Variants in TTN observed in about 807,000 individuals in gnomAD.
TTN encodes the protein titin.
A neutral mutation model predicts 3,223.0 loss-of-function variants in TTN; 1,525 were observed. That is an observed-to-expected ratio of 0.47 (90% CI 0.45 to 0.49). The LOEUF (loss-of-function observed/expected upper bound fraction) is 0.49, where lower values mean the gene tolerates loss of function less well. TTN is among the 20% of genes least tolerant of loss of function. The pLI, the probability that TTN is intolerant of heterozygous loss-of-function variation, is 0.00. For missense variants in TTN, 40,786 were observed against 43,424.0 expected, an observed-to-expected ratio of 0.94 and a Z score of 5.40; for synonymous variants, 14,094 against 15,161.0, an observed-to-expected ratio of 0.93 and a Z score of 5.17.
rs1470808886 is a variant in TTN, at chr2:178,635,435, T to G, written c.41884+5A>C. 1 of 1,605,300 alleles carries G rather than the reference T, an allele frequency of 6.2e-7. No individual in the cohort carries two copies. The highest frequency in any genetic ancestry group is 1.7e-5 in the Admixed American group (1 of 58,648). ...ATAATTTGAATAAAAGGTAAGATTTTATACCTCCAAGTGTCAGCTTTGCAG... is the reference window on the plus strand; with the variant it reads ...ATAATTTGAATAAAAGGTAAGATTTGATACCTCCAAGTGTCAGCTTTGCAG... On this transcript the variant is annotated splice_donor_5th_base_variant and intron_variant, in intron 227 of 362. Transcript: ENST00000589042.
chr2:178,758,845 T>C (rs892728284), intron 44 of TTN, 139 bp downstream of exon 44: 31 of 891,130 alleles, frequency 3.5e-5, no homozygotes, highest in Non-Finnish European at 4.9e-5. Context: ...CCATGGCATA[T>C]AACAGGGAAA....
intron 44 of TTN, 108 bp from the exon 45 acceptor site, chr2:178,758,024 A>G: frequency 8.2e-7 from 1 of 1,214,160 alleles, no homozygotes; most frequent in Non-Finnish European, 1.1e-6. Context: ...ACTAGAATTC[A>G]GTCCACTCCT....
In TTN at chr2:178,562,301, C is replaced by A. The variant is rs773829475; in HGVS notation, c.83831G>T (p.Arg27944Ile). The A allele has an allele frequency of 1.2e-6, 2 of 1,613,410 alleles. No homozygotes were observed. Among genetic ancestry groups the A allele is most frequent in the East Asian group, 4.5e-5 (2 of 44,820 alleles). Reference protein sequence around the residue: ...FRVAAVNEKGRSDPRQLGVPV... With the variant: ...FRVAAVNEKGISDPRQLGVPV... ...CACTCCAAGTTGTCTTGGATCACTT[C>A]TTCCCTTTTCGTTAACTGCAGCTAC... is the stretch of plus-strand genomic sequence containing the variant. The change falls in exon 326 of 363, where the codon AGA (arginine) becomes ATA (isoleucine). Residue 27944 changes from arginine (R) to isoleucine (I), a missense_variant. Coordinates refer to ENST00000589042, the MANE Select transcript of TTN (RefSeq NM_001267550.2).
rs1245688306 is a variant in TTN, at chr2:178,587,556, T to G, written c.63753A>C (p.Pro21251=). Residue 21251 remains proline, a synonymous_variant, in exon 306 of 363, where the codon CCA becomes CCC. Coordinates refer to ENST00000589042, the MANE Select transcript of TTN (RefSeq NM_001267550.2). The stretch of plus-strand genomic sequence containing the variant: ...TTACGAATACAGCCTTTTCTCCTGC[T>G]GGGTTCACAAGTGTTAAGGAATATT... ...SGKYSLTLVN[P]AGEKAVFVNV... The G allele has an allele frequency of 6.2e-7, 1 of 1,611,490 alleles. No individual in the cohort carries two copies. Among genetic ancestry groups the G allele is most frequent in the Admixed American group, 1.7e-5 (1 of 59,784 alleles).
rs562662770 is a variant in TTN, at chr2:178,575,087, A to C, written c.71045T>G (p.Phe23682Cys). ...AATGGTTGAAGTCGCTGTGGTTTCAAAATTAACTCTCTGTGTCTGTTTAAG... is the reference window on the plus strand; with the variant it reads ...AATGGTTGAAGTCGCTGTGGTTTCACAATTAACTCTCTGTGTCTGTTTAAG... ...QILKQTQRVN[F>C]ETTATSTILN... is the part of the protein sequence containing the mutation. The change falls in exon 326 of 363, where the codon TTT (phenylalanine) becomes TGT (cysteine). Residue 23682 changes from phenylalanine to cysteine, a missense_variant. Phe to Cys is a radical substitution (Grantham distance 205). Transcript: ENST00000589042. The surrounding 1 kb of genome is among the most constrained non-coding windows in gnomAD (Gnocchi z 4.0). The C allele has an allele frequency of 1.9e-6, 3 of 1,613,286 alleles. No individual in the cohort carries two copies. Among genetic ancestry groups the C allele is most frequent in the African/African-American group, 1.3e-5 (1 of 75,000 alleles).
intron 47 of TTN, chr2:178,748,702 A>G: frequency 6.2e-7 from 1 of 1,612,744 alleles, no homozygotes. Context: ...ATTCATGTTC[A>G]GCTCTTTTAG....
At position 178,575,245 on chromosome 2, in the gene TTN, C is replaced by T. The variant is rs1709634452; in HGVS notation, c.70887G>A (p.Met23629Ile). The T allele has an allele frequency of 6.2e-7, 1 of 1,613,064 alleles. No homozygotes were observed. Among genetic ancestry groups the T allele is most frequent in the South Asian group, 1.1e-5 (1 of 91,018 alleles). ...SRPVIVKEQT[M>I]LPELDLRGIY... ...TGCCACGGAGATCCAGCTCTGGAAG[C>T]ATTGTCTGCTCCTTGACAATGACGG... Residue 23629 changes from methionine to isoleucine, a missense_variant, in exon 326 of 363, where the codon ATG (methionine) becomes ATA (isoleucine). Physicochemically the swap from Met to Ile is conservative, Grantham distance 10 (BLOSUM62 1). Coordinates refer to ENST00000589042, the MANE Select transcript of TTN (RefSeq NM_001267550.2). This position sits in a 1 kb window ranked among gnomAD's most constrained non-coding sequence, Gnocchi z 4.0.
rs2063153062 is a variant in TTN, at chr2:178,652,299, G to A, written c.39176C>T (p.Pro13059Leu). ...TGGCACTTCAGGCTTTTTAGGAGGA[G>A]GCACTGGCACTTTCTTTTCAGGAAC... ...EVVPEKKVPV[P>L]PPKKPEVPPT... is the part of the protein sequence containing the mutation. The change falls in exon 203 of 363, where the codon CCT becomes CTT. Residue 13059 changes from proline (P) to leucine (L), a missense_variant. Coordinates refer to ENST00000589042, the MANE Select transcript of TTN (RefSeq NM_001267550.2). 2 of 1,613,598 alleles carry A rather than the reference G, an allele frequency of 1.2e-6. No individual in the cohort carries two copies. Among genetic ancestry groups the A allele is most frequent in the South Asian group, 1.1e-5 (1 of 91,070 alleles).
In TTN at chr2:178,576,723, T is replaced by C. The variant is rs759352559; in HGVS notation, c.69521A>G (p.Tyr23174Cys). 6.2e-7 allele frequency: 1 copy of C among 1,613,540 alleles called. No homozygotes were observed. Among genetic ancestry groups the C allele is most frequent in the South Asian group, 1.1e-5 (1 of 91,068 alleles). The change falls in exon 325 of 363, where the codon TAT becomes TGT. Residue 23174 changes from tyrosine (Y) to cysteine (C), a missense_variant. Tyr to Cys is a radical substitution (Grantham distance 194, BLOSUM62 -2). Transcript: ENST00000589042. The surrounding 1 kb of genome is among the most constrained non-coding windows in gnomAD (Gnocchi z 4.3). ...VDDGGSEITG[Y>C]HVERREKKSL... Reference sequence around the variant, plus strand: ...TTTCTTTTCTCTCCTTTCTACATGATATCCTGTAATTTCGCTGCCACCATC... The same window carrying C: ...TTTCTTTTCTCTCCTTTCTACATGACATCCTGTAATTTCGCTGCCACCATC...
rs778327538 is a variant in TTN at position 178,532,431 on chromosome 2, A to C, written c.104184T>G (p.Tyr34728Ter). 2 of 1,614,000 alleles carry C rather than the reference A, an allele frequency of 1.2e-6. No homozygotes were observed. Among genetic ancestry groups the C allele is most frequent in the South Asian group, 2.2e-5 (2 of 91,086 alleles). ...KVEETRKDFR[Y>*]STYHIPTKAE... ...CCTTCGTTGGGATGTGATAGGTTGA[A>C]TACCTGAAGTCTTTTCTTGTTTCCT... The change falls in exon 358 of 363, where the codon TAT becomes TAG. Residue 34728 changes from tyrosine to a stop codon, truncating the protein, a stop_gained. Coordinates refer to ENST00000589042, the MANE Select transcript of TTN (RefSeq NM_001267550.2). LOFTEE classifies it high-confidence loss of function.
chr2:178,530,368 ATTGGTTCAGGAGCTT>A lies in TTN; in HGVS notation c.106232_106246del (p.Lys35411_Pro35415del), dbSNP rs1382058012. On this transcript the variant is annotated inframe_deletion, in exon 358 of 363. Transcript: ENST00000589042. Reference sequence around the variant, plus strand: ...AGTAACAATTACTGGTTTTGAGGAAATTGGTTCAGGAGCTTTTGGTTCAGTTTTTCTGGTTACTGT... The same window carrying A: ...AGTAACAATTACTGGTTTTGAGGAAATTGGTTCAGTTTTTCTGGTTACTGT... 1 of 1,613,982 alleles carries A rather than the reference ATTGGTTCAGGAGCTT, an allele frequency of 6.2e-7. No individual in the cohort carries two copies. Among genetic ancestry groups the A allele is most frequent in the Admixed American group, 1.7e-5 (1 of 60,030 alleles).
At chr2:178,585,038 A>G in intron 309 of TTN, 34 bp downstream of exon 309, 2 of 1,603,478 alleles carry the variant, frequency 1.2e-6, no homozygotes, top group East Asian at 2.2e-5. Flanking sequence ...TGAGCTTCAT[A>G]TTTAGATGGC....
intron 162 of TTN, 129 bp downstream of exon 162, chr2:178,667,107 T>C: frequency 1.0e-6 from 1 of 969,650 alleles, no homozygotes; most frequent in Non-Finnish European, 1.5e-6. Flanking sequence ...TTGTTGTGGG[T>C]ATATCAGATC....
At position 178,602,392 on chromosome 2, in the gene TTN, G is replaced by A. The variant is rs764568599; in HGVS notation, c.55010C>T (p.Pro18337Leu). Residue 18337 changes from proline (P) to leucine (L), a missense_variant, in exon 283 of 363, where the codon CCT (proline) becomes CTT (leucine). Transcript: ENST00000589042. Reference protein sequence around the residue: ...KLITTCECVVPNLKELRKYRF... With the variant: ...KLITTCECVVLNLKELRKYRF... ...GTACTTCCTGAGCTCTTTCAGATTA[G>A]GCACCACACATTCACAGGTAGTTAT... 3.2e-5 allele frequency: 52 copies of A among 1,612,710 alleles called. No homozygotes were observed. In the Admixed American group the frequency reaches 7.8e-4, roughly 24 times the overall value.
intron 17 of TTN, among the ~76,000 whole-genome samples, chr2:178,783,391 G>A (rs552412397): frequency 6.6e-6 from 1 of 152,160 alleles, no homozygotes; most frequent in South Asian, 2.1e-4. Flanking sequence ...GCTTGTTTGT[G>A]TACATTTTCT....
intron 34 of TTN, chr2:178,770,917 T>C: frequency 2.5e-6 from 2 of 789,216 alleles, no homozygotes; most frequent in East Asian, 2.4e-5. Context: ...TGCATAGCTA[T>C]GTATTAGCAG....
chr2:178,764,271 C>A lies in TTN; in HGVS notation c.10020G>T (p.Met3340Ile). The part of the protein sequence containing the change: ...VPEVVSPDQE[M>I]PVYPPAIITP... ...TGATGATGGCAGGTGGATAAACAGGCATTTCCTGATCAGGAGACACAACTT... is the reference window on the plus strand; with the variant it reads ...TGATGATGGCAGGTGGATAAACAGGAATTTCCTGATCAGGAGACACAACTT... Residue 3340 changes from methionine to isoleucine, a missense_variant, in exon 43 of 363, where the codon ATG (methionine) becomes ATT (isoleucine). Physicochemically the swap from Met to Ile is conservative, Grantham distance 10. Coordinates refer to ENST00000589042, the MANE Select transcript of TTN (RefSeq NM_001267550.2). The A allele has an allele frequency of 1.2e-6, 2 of 1,614,008 alleles. No homozygotes were observed. The highest frequency in any genetic ancestry group is 2.2e-5 in the East Asian group (1 of 44,812).
rs772269455 is a variant in TTN, at chr2:178,685,613, G to A, written c.32312-15C>T. 21 of 1,607,464 alleles carry A rather than the reference G, an allele frequency of 1.3e-5. No homozygotes were observed. In the Admixed American group the frequency reaches 3.4e-4, roughly 26 times the overall value. ...CTCTTCCATCACTTTAAAGACAGCAGTTTTAAAGAAGATAAATTACAGTGT... is the reference window on the plus strand; with the variant it reads ...CTCTTCCATCACTTTAAAGACAGCAATTTTAAAGAAGATAAATTACAGTGT... On this transcript the variant is annotated splice_polypyrimidine_tract_variant and intron_variant, in intron 127 of 362. Transcript: ENST00000589042.
chr2:178,567,798 G>T lies in TTN; in HGVS notation c.78334C>A (p.Pro26112Thr). 1.2e-6 allele frequency: 2 copies of T among 1,613,442 alleles called. No individual in the cohort carries two copies. Among genetic ancestry groups the T allele is most frequent in the African/African-American group, 1.3e-5 (1 of 74,994 alleles). Residue 26112 changes from proline (P) to threonine (T), a missense_variant, in exon 326 of 363, where the codon CCT becomes ACT. Transcript: ENST00000589042. ...RNEITLQWTKPVYDGGSMITG... is the reference protein window; with the variant it reads ...RNEITLQWTKTVYDGGSMITG... ...ATCATACTTCCACCATCATACACAG[G>T]TTTGGTCCACTGTAAAGTGATTTCA...
Sources: allele counts gnomAD v4.1 joint callset (sites outside exome capture counted in the v4.1 genomes callset), GRCh38; gene constraint gnomAD v4.1.1; non-coding constraint Gnocchi (gnomAD v3.1); transcripts MANE v1.5; gene names NCBI Gene and HGNC (gene_info 2026-07-23, HGNC 2026-07-21).